The following EIF2AK1 variants were observed in gnomAD, a reference collection of about 807,000 sequenced individuals.
EIF2AK1 encodes the protein eukaryotic translation initiation factor 2-alpha kinase 1.
EIF2AK1 carries 54 observed loss-of-function variants against 77.9 expected under a neutral mutation model. The ratio of observed to expected loss-of-function variants is 0.69; its 90% confidence interval spans 0.56 to 0.87. The LOEUF is 0.87. Among genes scored for constraint, EIF2AK1 ranks in the 40% least tolerant of loss-of-function variants. EIF2AK1 has a pLI of 0.00. For synonymous variants in EIF2AK1, 314 were observed against 290.5 expected (o/e 1.08, Z -0.82); for missense variants, 810 against 768.6 (o/e 1.05, Z -0.64).
intron 3 of EIF2AK1, among the ~76,000 whole-genome samples, chr7:6,049,489 G>A (rs944399215): frequency 1.3e-5 from 2 of 152,174 alleles, no homozygotes; most frequent in African/African-American, 2.4e-5. Flanking sequence ...GTTGCAATGA[G>A]CCAAGATTGC....
In EIF2AK1 at chr7:6,041,047, T is replaced by C; in HGVS notation, c.964A>G (p.Thr322Ala). 1 of 1,613,886 alleles carries C rather than the reference T, an allele frequency of 6.2e-7. No homozygotes were observed. The highest frequency in any genetic ancestry group is 8.5e-7 in the Non-Finnish European group (1 of 1,179,970). Residue 322 changes from threonine to alanine, a missense_variant, in exon 9 of 15, where the codon ACC (threonine) becomes GCC (alanine). Coordinates refer to ENST00000199389, the MANE Select transcript of EIF2AK1 (RefSeq NM_014413.4). Reference sequence around the variant, plus strand: ...AAGCCATTTTCCTGGAGCTCCAGGGTCGACTCAAGTTCACCAGATTCTCTT... The same window carrying C: ...AAGCCATTTTCCTGGAGCTCCAGGGCCGACTCAAGTTCACCAGATTCTCTT... ...VIRESGELES[T>A]LELQENGLAG...
chr7:6,057,646 T>G (rs918908769), intron 1 of EIF2AK1: 7 of 151,688 alleles, frequency 4.6e-5, no homozygotes, highest in African/African-American at 1.7e-4. Flanking sequence ...TTGTTGTTGT[T>G]GTTGTTGTTT....
intron 9 of EIF2AK1, among the ~76,000 whole-genome samples, chr7:6,040,215 G>A (rs1204425652): frequency 6.6e-6 from 1 of 152,006 alleles, no homozygotes; most frequent in African/African-American, 2.4e-5. Context: ...ATCGCGCCTG[G>A]CTAATTTTTG....
chr7:6,055,576 T>C (rs967678260), intron 1 of EIF2AK1, among the ~76,000 whole-genome samples: 1 of 151,482 alleles, frequency 6.6e-6, no homozygotes, highest in African/African-American at 2.4e-5. Flanking sequence ...AACCCCATCC[T>C]CTTTGCACTG....
chr7:6,052,095 C>CG (rs1388985445), intron 2 of EIF2AK1, among the ~76,000 whole-genome samples: 2 of 151,288 alleles, frequency 1.3e-5, no homozygotes, highest in African/African-American at 4.9e-5. Context: ...TCGCTTGAAC[C>CG]CAGAAGGTGG....
At chr7:6,055,542 C>G (rs894886358) in intron 1 of EIF2AK1, among the ~76,000 whole-genome samples, 1 of 151,894 alleles carries the variant, frequency 6.6e-6, no homozygotes, top group Non-Finnish European at 1.5e-5. Flanking sequence ...AACCAGTGAA[C>G]AAGGCAGATC....
chr7:6,033,705 G>A lies in EIF2AK1; in HGVS notation c.1332+3719C>T, dbSNP rs571686760. On this transcript the variant is annotated intron_variant, in intron 11 of 14. Coordinates refer to ENST00000199389, the MANE Select transcript of EIF2AK1 (RefSeq NM_014413.4). The surrounding 1 kb of genome is among the most constrained non-coding windows in gnomAD (Gnocchi z 4.4). The stretch of plus-strand genomic sequence containing the variant: ...CTGCCTCAGCCTCCCAAGTAGCTGG[G>A]ACTACAGGCGCCTGCCACCACGCCT... Among the ~76,000 whole-genome samples the A allele has an allele frequency of 1.6e-3, 247 of 152,074 alleles. No individual in the cohort carries two copies. Among genetic ancestry groups the A allele is most frequent in the Non-Finnish European group, 3.0e-3 (202 of 67,958 alleles).
chr7:6,031,529 C>T lies in EIF2AK1; in HGVS notation c.1333-2497G>A, dbSNP rs2128886166. ...GATCGAGGTACTCCTGAGAAATCACCCTGTCAACCAGCCCATCACCATTCT... is the reference window on the plus strand; with the variant it reads ...GATCGAGGTACTCCTGAGAAATCACTCTGTCAACCAGCCCATCACCATTCT... On this transcript the variant is annotated intron_variant, in intron 11 of 14. Transcript: ENST00000199389. 1.9e-6 allele frequency: 3 copies of T among 1,550,726 alleles called. No individual in the cohort carries two copies. In the South Asian group the frequency reaches 3.6e-5, roughly 18 times the overall value.
intron 1 of EIF2AK1, among the ~76,000 whole-genome samples, chr7:6,056,613 A>AAAAAAAAATATATATATATAT: frequency 2.3e-5 from 1 of 43,730 alleles, no homozygotes; most frequent in African/African-American, 8.2e-5. Context: ...AAAAAAAAAA[A>AAAAAAAAATATATATATATAT]ATATATATAT....
rs549825952 is a variant in EIF2AK1, at chr7:6,024,589, A to T, written c.*84T>A. On this transcript the variant is annotated 3_prime_UTR_variant, in exon 15 of 15. Coordinates refer to ENST00000199389, the MANE Select transcript of EIF2AK1 (RefSeq NM_014413.4). ...CAAGTCTTGTAAAGGCTTACTAAAT[A>T]CAACGAAGCATTGTACCAACTATAC... is the stretch of plus-strand genomic sequence containing the variant. The T allele has an allele frequency of 8.8e-6, 14 of 1,590,826 alleles. No homozygotes were observed. The highest frequency in any genetic ancestry group is 1.1e-5 in the Non-Finnish European group (13 of 1,171,932).
chr7:6,045,708 T>TTA (rs1788426126), intron 6 of EIF2AK1, among the ~76,000 whole-genome samples: 1 of 147,978 alleles, frequency 6.8e-6, no homozygotes. Context: ...ATCATTTATT[T>TTA]TAAGAAGTTA....
At chr7:6,034,012 T>A (rs1324844982) in intron 11 of EIF2AK1, among the ~76,000 whole-genome samples, 1 of 150,708 alleles carries the variant, frequency 6.6e-6, no homozygotes, top group Admixed American at 6.6e-5. Flanking sequence ...ACTATCCGAG[T>A]GAATGAAAGA....
intron 12 of EIF2AK1, 31 bp downstream of exon 12, chr7:6,028,887 C>T: frequency 6.4e-7 from 1 of 1,560,850 alleles, no homozygotes; most frequent in Non-Finnish European, 8.7e-7. Context: ...TTTGCTTATG[C>T]AAAGAAAACA....
chr7:6,044,191 G>A (rs55839766), intron 7 of EIF2AK1, among the ~76,000 whole-genome samples: 13,470 of 151,636 alleles, frequency 0.089, 651 homozygotes, highest in Admixed American at 0.11. Flanking sequence ...CCAACCAGGC[G>A]CGGTGGCTCA....
chr7:6,022,697 G>C lies in EIF2AK1; in HGVS notation c.*1976C>G, dbSNP rs1369833080. 6.6e-6 allele frequency: 1 copy of C among 152,342 alleles called. No individual in the cohort carries two copies. The highest frequency in any genetic ancestry group is 1.5e-5 in the Non-Finnish European group (1 of 68,230). 9.4% of individuals were successfully genotyped at this position (152,342 alleles called of 1,614,324 possible). A position where few individuals can be genotyped will look rare whatever the true frequency, so the allele number is the denominator to read the frequency against. ...AGACACAGCTCAAGGGGGGGACTGT[G>C]AGCATTTGGGGAAGGGGGTTCTGTC... On this transcript the variant is annotated 3_prime_UTR_variant, in exon 15 of 15. Transcript: ENST00000199389.
In EIF2AK1 at chr7:6,023,067, G is replaced by C; in HGVS notation, c.*1606C>G. ...TGAGGTCCCTTCTAGCTTCAGAAGTGTCATAATCAAATACCAGGAATGACT... is the reference window on the plus strand; with the variant it reads ...TGAGGTCCCTTCTAGCTTCAGAAGTCTCATAATCAAATACCAGGAATGACT... On this transcript the variant is annotated 3_prime_UTR_variant, in exon 15 of 15. Coordinates refer to ENST00000199389, the MANE Select transcript of EIF2AK1 (RefSeq NM_014413.4). The C allele has an allele frequency of 2.0e-6, 1 of 509,618 alleles. No homozygotes were observed. 31.6% of individuals were successfully genotyped at this position (509,618 alleles called of 1,614,324 possible).
chr7:6,025,645 A>G (rs1787723401), intron 14 of EIF2AK1, among the ~76,000 whole-genome samples: 2 of 152,174 alleles, frequency 1.3e-5, no homozygotes. Flanking sequence ...AGGGTTCACT[A>G]TTTATATTGA....
intron 5 of EIF2AK1, 25 bp downstream of exon 5, chr7:6,046,967 T>A (rs1788463194): frequency 6.4e-7 from 1 of 1,561,460 alleles, no homozygotes; most frequent in African/African-American, 1.4e-5. Context: ...GGGTAGTAGG[T>A]CAAAACAAGT....
In EIF2AK1 at chr7:6,035,760, A is replaced by G; in HGVS notation, c.1332+1664T>C. 1 of 1,551,152 alleles carries G rather than the reference A, an allele frequency of 6.4e-7. No homozygotes were observed. Among genetic ancestry groups the G allele is most frequent in the Non-Finnish European group, 8.7e-7 (1 of 1,147,128 alleles). On this transcript the variant is annotated intron_variant, in intron 11 of 14. Coordinates refer to ENST00000199389, the MANE Select transcript of EIF2AK1 (RefSeq NM_014413.4). This position sits in a 1 kb window ranked among gnomAD's most constrained non-coding sequence, Gnocchi z 5.5. ...GACACCCCTTCACATGGCCGCAAAC[A>G]TGCTGAATAAGGAGATGATGGAAAC...
Sources: allele counts gnomAD v4.1 joint callset (sites outside exome capture counted in the v4.1 genomes callset), GRCh38; gene constraint gnomAD v4.1.1; non-coding constraint Gnocchi (gnomAD v3.1); transcripts MANE v1.5; gene names NCBI Gene and HGNC (gene_info 2026-07-23, HGNC 2026-07-21).